Variants in SCFD2 observed in about 807,000 individuals in gnomAD.
SCFD2 encodes sec1 family domain-containing protein 2.
Under a neutral mutation model 58.9 loss-of-function variants are expected in SCFD2, and 54 were observed. That is an observed-to-expected ratio of 0.92 (90% CI 0.74 to 1.15). SCFD2 has a LOEUF of 1.15. Ranked by LOEUF, SCFD2 falls within the 50% of genes most tolerant of loss-of-function variation. The pLI is 0.00. For synonymous variants in SCFD2, 321 were observed against 335.9 expected, an observed-to-expected ratio of 0.96 and a Z score of 0.49; for missense variants, 805 against 836.6, an observed-to-expected ratio of 0.96 and a Z score of 0.47.
chr4:53,303,121 A>C (rs540873068), intron 3 of SCFD2, among the ~76,000 whole-genome samples: 1 of 152,340 alleles, frequency 6.6e-6, no homozygotes, highest in South Asian at 2.1e-4. Flanking sequence ...TAAACTAAAG[A>C]GCTTCTGCAC....
chr4:53,318,092 A>G (rs1452384828), intron 2 of SCFD2, among the ~76,000 whole-genome samples: 2 of 152,198 alleles, frequency 1.3e-5, no homozygotes, highest in African/African-American at 4.8e-5. Context: ...ACAATAGATA[A>G]TGTAGAATTC....
chr4:53,225,963 A>G (rs185847063), intron 4 of SCFD2, among the ~76,000 whole-genome samples: 1 of 151,928 alleles, frequency 6.6e-6, no homozygotes. Flanking sequence ...GGTATTTTTA[A>G]TTTTTTTAAA....
At chr4:53,065,552 CATTA>C (rs1723639524) in intron 5 of SCFD2, among the ~76,000 whole-genome samples, 1 of 152,024 alleles carries the variant, frequency 6.6e-6, no homozygotes, top group Admixed American at 6.6e-5. Flanking sequence ...GTCATAAAGA[CATTA>C]ATTGTTATTC....
At chr4:52,969,495 G>A (rs1371181035) in intron 5 of SCFD2, among the ~76,000 whole-genome samples, 2 of 152,134 alleles carry the variant, frequency 1.3e-5, no homozygotes, top group African/African-American at 4.8e-5. Context: ...GTTCTTCCAG[G>A]CACACAGTAG....
chr4:52,900,094 A>G (rs552558888), intron 7 of SCFD2, among the ~76,000 whole-genome samples: 3 of 152,082 alleles, frequency 2.0e-5, no homozygotes, highest in East Asian at 3.9e-4. Flanking sequence ...CATGGGTTTG[A>G]ACTTCCTCCT....
At chr4:53,354,848 C>CA (rs1734355816) in intron 1 of SCFD2, among the ~76,000 whole-genome samples, 2 of 100,204 alleles carry the variant, frequency 2.0e-5, no homozygotes, top group African/African-American at 5.4e-5. Context: ...AGCTGGAGTG[C>CA]AATCATAGCT....
intron 5 of SCFD2, among the ~76,000 whole-genome samples, chr4:52,926,388 ACAGACACACACACG>A (rs1408451490): frequency 9.2e-5 from 14 of 151,980 alleles, no homozygotes; most frequent in Admixed American, 9.2e-4. Flanking sequence ...AAATACACAC[ACAGACACACACACG>A]CACGCGTGCG....
intron 5 of SCFD2, among the ~76,000 whole-genome samples, chr4:52,984,423 G>A (rs1006276136): frequency 8.5e-5 from 13 of 152,168 alleles, no homozygotes; most frequent in African/African-American, 2.9e-4. Context: ...ACTGCTATGA[G>A]GATCCAACCC....
At chr4:52,981,883 G>A (rs920981916) in intron 5 of SCFD2, among the ~76,000 whole-genome samples, 3 of 152,198 alleles carry the variant, frequency 2.0e-5, no homozygotes, top group African/African-American at 7.2e-5. Context: ...CTGTTGGGAG[G>A]AGAAAGACCA....
chr4:53,336,294 C>G (rs1012804036), intron 2 of SCFD2, among the ~76,000 whole-genome samples: 13 of 151,972 alleles, frequency 8.6e-5, no homozygotes, highest in African/African-American at 3.1e-4. Context: ...TAAAGACAAT[C>G]CTGATAGAAA....
chr4:52,927,617 A>G (rs1292438349), intron 5 of SCFD2, among the ~76,000 whole-genome samples: 3 of 152,234 alleles, frequency 2.0e-5, no homozygotes, highest in African/African-American at 7.2e-5. Context: ...CTTCATCAGT[A>G]TGTGAGAACA....
At chr4:53,262,607 T>A (rs917991481) in intron 4 of SCFD2, among the ~76,000 whole-genome samples, 1 of 152,244 alleles carries the variant, frequency 6.6e-6, no homozygotes, top group African/African-American at 2.4e-5. Flanking sequence ...GTAGGATTTC[T>A]GCTGAGAAAT....
chr4:53,209,173 C>A (rs1430716636), intron 4 of SCFD2, among the ~76,000 whole-genome samples: 1 of 152,122 alleles, frequency 6.6e-6, no homozygotes, highest in African/African-American at 2.4e-5. Flanking sequence ...TGCTGACTTC[C>A]TGCTCTCACT....
chr4:53,095,071 T>C (rs1724579009), intron 5 of SCFD2, among the ~76,000 whole-genome samples: 1 of 152,190 alleles, frequency 6.6e-6, no homozygotes, highest in African/African-American at 2.4e-5. Context: ...TTCTGGTTTC[T>C]TTCTTCTTCC....
At chr4:53,270,687 G>T (rs1382161332) in intron 4 of SCFD2, among the ~76,000 whole-genome samples, 1 of 152,128 alleles carries the variant, frequency 6.6e-6, no homozygotes, top group Non-Finnish European at 1.5e-5. Context: ...CACTATTCAC[G>T]AGTCAAGATA....
At chr4:52,912,559 C>T (rs904931127) in intron 6 of SCFD2, among the ~76,000 whole-genome samples, 1 of 151,682 alleles carries the variant, frequency 6.6e-6, no homozygotes, top group Middle Eastern at 3.4e-3. Context: ...GAACTAAGTA[C>T]AGAACAACTG....
chr4:53,247,692 T>A (rs1730142965), intron 4 of SCFD2, among the ~76,000 whole-genome samples: 1 of 149,554 alleles, frequency 6.7e-6, no homozygotes, highest in Non-Finnish European at 1.5e-5. Flanking sequence ...ACCCCGTCTC[T>A]ACTAAAAAAA....
chr4:52,932,599 T>C (rs1426773288), intron 5 of SCFD2, among the ~76,000 whole-genome samples: 4 of 152,192 alleles, frequency 2.6e-5, no homozygotes, highest in Non-Finnish European at 4.4e-5. Context: ...TATTTTCTGA[T>C]CTATTTGAGA....
At chr4:53,277,981 A>C (rs1041386904) in intron 3 of SCFD2, among the ~76,000 whole-genome samples, 3 of 151,666 alleles carry the variant, frequency 2.0e-5, no homozygotes, top group African/African-American at 7.3e-5. Flanking sequence ...TGAACCCGGG[A>C]GGCGGAGCTT....
Sources: gnomAD v4.1 joint callset for allele counts (sites outside exome capture counted in the v4.1 genomes callset) on GRCh38, gnomAD v4.1.1 for gene constraint, MANE v1.5 for transcripts, NCBI Gene and HGNC (gene_info 2026-07-23, HGNC 2026-07-21) for gene names.